GRIK4: variants seen among roughly 807,000 people sequenced by gnomAD.
The protein encoded by GRIK4 is glutamate receptor ionotropic, kainate 4.
GRIK4 carries 40 observed loss-of-function variants against 104.9 expected under a neutral mutation model. The ratio of observed to expected loss-of-function variants is 0.38; its 90% CI spans 0.30 to 0.50. The LOEUF is 0.50. Among genes scored for constraint, GRIK4 ranks in the 20% least tolerant of loss-of-function variants. The pLI, the probability that GRIK4 is intolerant of heterozygous loss-of-function variation, is 0.93. For missense variants in GRIK4, 1,047 were observed against 1,308.1 expected (o/e 0.80, Z 3.08); for synonymous variants, 485 against 524.9 (o/e 0.92, Z 1.04).
At chr11:120,786,633 C>T (rs973980251) in intron 3 of GRIK4, among the ~76,000 whole-genome samples, 1 of 152,208 alleles carries the variant, frequency 6.6e-6, no homozygotes, top group African/African-American at 2.4e-5. Flanking sequence ...AACATCTCTT[C>T]ATTTCAACTG....
intron 3 of GRIK4, among the ~76,000 whole-genome samples, chr11:120,685,846 C>A (rs2135297953): frequency 6.6e-6 from 1 of 152,250 alleles, no homozygotes; most frequent in Non-Finnish European, 1.5e-5. Flanking sequence ...GATGATTCTT[C>A]TGCCCTAAGC....
At chr11:120,712,657 G>A (rs1158196634) in intron 3 of GRIK4, among the ~76,000 whole-genome samples, 1 of 151,350 alleles carries the variant, frequency 6.6e-6, no homozygotes, top group African/African-American at 2.4e-5. Flanking sequence ...CTTAAATTCT[G>A]CCAGGGACAG....
At chr11:120,764,932 T>C (rs548655037) in intron 3 of GRIK4, among the ~76,000 whole-genome samples, 2 of 152,284 alleles carry the variant, frequency 1.3e-5, no homozygotes, top group South Asian at 4.1e-4. Context: ...CGATTATGTG[T>C]CTTGGGGTTG....
chr11:120,753,777 T>G (rs10892622), intron 3 of GRIK4, among the ~76,000 whole-genome samples: 42,763 of 152,094 alleles, frequency 0.28, 7,030 homozygotes, highest in Middle Eastern at 0.44. Context: ...TTGTTTTGTT[T>G]TTTAAACAGC....
At chr11:120,822,133 C>T (rs1417899662) in intron 6 of GRIK4, among the ~76,000 whole-genome samples, 2 of 149,250 alleles carry the variant, frequency 1.3e-5, no homozygotes, top group Non-Finnish European at 3.0e-5. Context: ...ATCACTTGAA[C>T]CCTGGAGGTG....
intron 3 of GRIK4, among the ~76,000 whole-genome samples, chr11:120,727,143 C>T (rs1419011777): frequency 6.6e-6 from 1 of 152,096 alleles, no homozygotes; most frequent in Admixed American, 6.6e-5. Flanking sequence ...AGGGGTTTGG[C>T]CCACTTCAGT....
chr11:120,977,768 C>T (rs1758107262), intron 19 of GRIK4, among the ~76,000 whole-genome samples: 2 of 152,124 alleles, frequency 1.3e-5, no homozygotes, highest in Admixed American at 1.3e-4. Context: ...CCTGTTAAAC[C>T]TCAACTCCCC....
intron 3 of GRIK4, among the ~76,000 whole-genome samples, chr11:120,759,434 C>A (rs941270285): frequency 6.6e-6 from 1 of 152,146 alleles, no homozygotes; most frequent in Admixed American, 6.5e-5. Context: ...TCAGCTTTCT[C>A]CCAAGATTGG....
intron 3 of GRIK4, among the ~76,000 whole-genome samples, chr11:120,800,450 G>A (rs547155191): frequency 4.6e-5 from 7 of 152,288 alleles, no homozygotes; most frequent in African/African-American, 1.7e-4. Context: ...CATTCTGGTC[G>A]TGCTTCCCGC....
At chr11:120,775,651 A>G (rs975273583) in intron 3 of GRIK4, among the ~76,000 whole-genome samples, 4 of 152,258 alleles carry the variant, frequency 2.6e-5, no homozygotes, top group Admixed American at 2.6e-4. Context: ...TTATCCTAGC[A>G]GGAAGACCTT....
intron 3 of GRIK4, among the ~76,000 whole-genome samples, chr11:120,661,399 A>G (rs1175170793): frequency 6.6e-6 from 1 of 151,722 alleles, no homozygotes; most frequent in African/African-American, 2.4e-5. Context: ...CAGGCAGGTT[A>G]CCCCAACGGA....
intron 1 of GRIK4, among the ~76,000 whole-genome samples, chr11:120,523,724 C>T (rs891304477): frequency 7.2e-5 from 11 of 152,172 alleles, no homozygotes; most frequent in Non-Finnish European, 1.3e-4. Flanking sequence ...ACTGCTTCTC[C>T]GTGTGGCCAG....
intron 3 of GRIK4, among the ~76,000 whole-genome samples, chr11:120,768,652 A>T (rs1438972038): frequency 6.6e-6 from 1 of 152,182 alleles, no homozygotes; most frequent in African/African-American, 2.4e-5. Context: ...GTTGTTCCCC[A>T]TTGATTATGA....
intron 1 of GRIK4, among the ~76,000 whole-genome samples, chr11:120,519,568 C>T (rs1947771528): frequency 6.6e-6 from 1 of 152,206 alleles, no homozygotes; most frequent in East Asian, 1.9e-4. Flanking sequence ...TTACCAGCTA[C>T]CCAGTTTATG....
At chr11:120,593,375 T>C (rs531825799) in intron 1 of GRIK4, among the ~76,000 whole-genome samples, 1 of 152,224 alleles carries the variant, frequency 6.6e-6, no homozygotes, top group East Asian at 1.9e-4. Flanking sequence ...AGGTCGCTAG[T>C]AGCTTCCATG....
chr11:120,871,938 G>A (rs1954621468), intron 9 of GRIK4: 1 of 456,034 alleles, frequency 2.2e-6, no homozygotes, highest in African/African-American at 2.0e-5. Flanking sequence ...ATCCAGAGCT[G>A]GCTCACCCAG....
intron 11 of GRIK4, among the ~76,000 whole-genome samples, chr11:120,893,096 A>G (rs1942463138): frequency 6.6e-6 from 1 of 152,258 alleles, no homozygotes; most frequent in African/African-American, 2.4e-5. Flanking sequence ...TGGCTTCGTA[A>G]TGATAACACT....
chr11:120,535,802 T>C (rs1285242556), intron 1 of GRIK4, among the ~76,000 whole-genome samples: 1 of 152,262 alleles, frequency 6.6e-6, no homozygotes, highest in East Asian at 1.9e-4. Context: ...TTGCTGCACC[T>C]ATTCCTACCT....
chr11:120,698,130 A>G (rs1332843533), intron 3 of GRIK4, among the ~76,000 whole-genome samples: 2 of 152,188 alleles, frequency 1.3e-5, no homozygotes, highest in South Asian at 2.1e-4. Context: ...GAAAAAACCT[A>G]CTTTACTCTG....
Sources: allele counts gnomAD v4.1 joint callset (sites outside exome capture counted in the v4.1 genomes callset), GRCh38; gene constraint gnomAD v4.1.1; transcripts MANE v1.5; gene names NCBI Gene and HGNC (gene_info 2026-07-23, HGNC 2026-07-21).